STIM2: variants seen among roughly 807,000 people sequenced by gnomAD.
STIM2 encodes the protein stromal interaction molecule 2.
Under a neutral mutation model 85.8 loss-of-function variants are expected in STIM2, and 31 were observed. The ratio of observed to expected loss-of-function variants is 0.36; its 90% CI spans 0.27 to 0.49. The LOEUF is 0.49. Ranked by LOEUF, STIM2 falls within the 20% of genes least tolerant of loss-of-function variation. The pLI is 0.98. For synonymous variants in STIM2, 356 were observed against 331.1 expected, an observed-to-expected ratio of 1.08 and a Z score of -0.82; for missense variants, 841 against 927.6, an observed-to-expected ratio of 0.91 and a Z score of 1.21.
intron 3 of STIM2, among the ~76,000 whole-genome samples, chr4:26,975,930 G>A (rs553577826): frequency 6.6e-6 from 1 of 152,296 alleles, no homozygotes; most frequent in Admixed American, 6.5e-5. Context: ...AGGCTGCTTT[G>A]TTTACCTATT....
intron 1 of STIM2, among the ~76,000 whole-genome samples, chr4:26,879,868 G>A (rs910607232): frequency 6.6e-6 from 1 of 152,094 alleles, no homozygotes; most frequent in African/African-American, 2.4e-5. Context: ...AATACTATGG[G>A]TTCTAGCCAC....
At chr4:26,889,998 A>G (rs952452166) in intron 1 of STIM2, among the ~76,000 whole-genome samples, 3 of 152,128 alleles carry the variant, frequency 2.0e-5, no homozygotes, top group Non-Finnish European at 4.4e-5. Context: ...GCCACATCCT[A>G]TGAATTGGTG....
chr4:26,997,456 CACAT>C (rs1457311247), intron 4 of STIM2, among the ~76,000 whole-genome samples: 1 of 152,194 alleles, frequency 6.6e-6, no homozygotes, highest in Non-Finnish European at 1.5e-5. Context: ...CTTCACCTGA[CACAT>C]ACCACCTCAT....
At chr4:26,868,219 GC>G (rs1408913660) in intron 1 of STIM2, among the ~76,000 whole-genome samples, 3 of 152,208 alleles carry the variant, frequency 2.0e-5, no homozygotes, top group Admixed American at 6.5e-5. Flanking sequence ...AGCCTGGCAA[GC>G]GCAGTTTACT....
At chr4:26,913,971 T>C (rs1724439958) in intron 1 of STIM2, among the ~76,000 whole-genome samples, 1 of 152,182 alleles carries the variant, frequency 6.6e-6, no homozygotes, top group African/African-American at 2.4e-5. Context: ...AGGAGAAGGC[T>C]ATCTTACATA....
chr4:26,957,127 C>T (rs1377187616), intron 2 of STIM2, among the ~76,000 whole-genome samples: 1 of 152,208 alleles, frequency 6.6e-6, no homozygotes, highest in Middle Eastern at 3.4e-3. Flanking sequence ...GACATCCTCC[C>T]ATATAAATTG....
chr4:27,016,173 G>T (rs185430035), intron 10 of STIM2, among the ~76,000 whole-genome samples: 11 of 152,006 alleles, frequency 7.2e-5, no homozygotes, highest in Non-Finnish European at 1.3e-4. Context: ...TCAACTCTAT[G>T]TTTTAATGCT....
intron 1 of STIM2, among the ~76,000 whole-genome samples, chr4:26,872,733 T>C (rs369192378): frequency 1.1e-4 from 17 of 152,184 alleles, no homozygotes; most frequent in African/African-American, 3.4e-4. Flanking sequence ...GTTGGGAAGA[T>C]AGAAAATACA....
chr4:27,007,891 A>G lies in STIM2; in HGVS notation c.1149+191A>G, dbSNP rs1577493846. On this transcript the variant is annotated intron_variant, in intron 8 of 11. Transcript: ENST00000467087. ...AAATTAAAATTACTGCATTTGGAGA[A>G]GTGTATACTTTTCAAAGTGACCTTA... 8.2e-6 allele frequency: 6 copies of G among 729,900 alleles called. No individual in the cohort carries two copies. The East Asian group carries it at 1.6e-4, about 20-fold the overall frequency. The allele number at this position is 729,900 out of a possible 1,614,324, so 45.2% of individuals were successfully genotyped here. A position where few individuals can be genotyped will look rare whatever the true frequency, so the allele number is the denominator to read the frequency against.
intron 10 of STIM2, among the ~76,000 whole-genome samples, chr4:27,012,183 G>T (rs1728581162): frequency 6.6e-6 from 1 of 151,948 alleles, no homozygotes; most frequent in African/African-American, 2.4e-5. Context: ...TTAGTTTCTA[G>T]AGTTTTATAA....
intron 3 of STIM2, among the ~76,000 whole-genome samples, chr4:26,972,852 T>C (rs1727016490): frequency 6.6e-6 from 1 of 152,180 alleles, no homozygotes; most frequent in Non-Finnish European, 1.5e-5. Context: ...AGAATTCAGC[T>C]GTGAATCCCT....
chr4:26,981,997 G>A (rs1009554251), intron 3 of STIM2, among the ~76,000 whole-genome samples: 21 of 149,632 alleles, frequency 1.4e-4, no homozygotes, highest in Non-Finnish European at 2.8e-4. Context: ...AGAGATACTT[G>A]AAGACTATTT....
intron 1 of STIM2, among the ~76,000 whole-genome samples, chr4:26,911,495 T>C (rs1483455084): frequency 6.6e-6 from 1 of 152,184 alleles, no homozygotes; most frequent in Admixed American, 6.5e-5. Flanking sequence ...ATTTTCTGTT[T>C]AGAATAGTAC....
At chr4:26,950,046 G>A (rs1427997521) in intron 2 of STIM2, among the ~76,000 whole-genome samples, 1 of 152,088 alleles carries the variant, frequency 6.6e-6, no homozygotes, top group Non-Finnish European at 1.5e-5. Context: ...GTAACACACG[G>A]TATTCTCAGT....
At chr4:27,004,095 TAAG>T (rs1231743478) in intron 7 of STIM2, among the ~76,000 whole-genome samples, 2 of 152,178 alleles carry the variant, frequency 1.3e-5, no homozygotes, top group African/African-American at 2.4e-5. Context: ...GAGTGCTAAA[TAAG>T]AAATGCAAAT....
At chr4:26,964,644 A>G (rs1462834600) in intron 3 of STIM2, among the ~76,000 whole-genome samples, 3 of 152,104 alleles carry the variant, frequency 2.0e-5, no homozygotes, top group African/African-American at 7.2e-5. Flanking sequence ...GGGTTTATTT[A>G]ACTGATTCAT....
At chr4:26,866,814 CTA>C (rs147800326) in intron 1 of STIM2, among the ~76,000 whole-genome samples, 2,023 of 152,180 alleles carry the variant, frequency 0.013, 37 homozygotes, top group African/African-American at 0.046. Context: ...AGATATAAAA[CTA>C]TTTGAAGGTT....
chr4:26,998,397 A>G (rs935394870), intron 4 of STIM2, among the ~76,000 whole-genome samples: 2 of 152,128 alleles, frequency 1.3e-5, no homozygotes, highest in Admixed American at 6.5e-5. Context: ...TTTATTTCCC[A>G]CTTGTGACTT....
chr4:26,886,928 T>C (rs1422079673), intron 1 of STIM2, among the ~76,000 whole-genome samples: 1 of 152,170 alleles, frequency 6.6e-6, no homozygotes, highest in African/African-American at 2.4e-5. Context: ...GTGCTAGAGC[T>C]CCCTTGTTAG....
Sources: allele counts gnomAD v4.1 joint callset (sites outside exome capture counted in the v4.1 genomes callset), GRCh38; gene constraint gnomAD v4.1.1; transcripts MANE v1.5; gene names NCBI Gene and HGNC (gene_info 2026-07-23, HGNC 2026-07-21).